Variants in EPC2 observed in about 807,000 individuals in gnomAD.
EPC2 encodes the protein enhancer of polycomb homolog 2.
Under a neutral mutation model 92.1 loss-of-function variants are expected in EPC2, and 14 were observed. That is an observed-to-expected ratio of 0.15 (90% CI 0.10 to 0.24). The LOEUF is 0.24. Among genes scored for constraint, EPC2 ranks in the 10% least tolerant of loss-of-function variants. EPC2 has a pLI of 1.00. For missense variants in EPC2, 755 were observed against 971.5 expected (o/e 0.78, Z 2.96); for synonymous variants, 340 against 334.7 (o/e 1.02, Z -0.17).
chr2:148,749,689 C>A (rs978302773), intron 3 of EPC2, among the ~76,000 whole-genome samples: 14 of 151,874 alleles, frequency 9.2e-5, no homozygotes, highest in Non-Finnish European at 1.5e-4. Flanking sequence ...ATGTTCTTTA[C>A]TATGATGTTA....
intron 1 of EPC2, among the ~76,000 whole-genome samples, chr2:148,656,934 G>A (rs1680813570): frequency 6.6e-6 from 1 of 152,108 alleles, no homozygotes; most frequent in African/African-American, 2.4e-5. Flanking sequence ...TGACTATAAT[G>A]TACTATTGAA....
chr2:148,684,689 C>T (rs1341777253), intron 1 of EPC2, among the ~76,000 whole-genome samples: 1 of 152,198 alleles, frequency 6.6e-6, no homozygotes, highest in South Asian at 2.1e-4. Context: ...TCCTCTACAG[C>T]GGATACCATT....
At chr2:148,746,004 C>G (rs1409109073) in intron 3 of EPC2, among the ~76,000 whole-genome samples, 1 of 151,900 alleles carries the variant, frequency 6.6e-6, no homozygotes, top group African/African-American at 2.4e-5. Flanking sequence ...GCTGTCTTCA[C>G]CTTTTTTTAA....
At chr2:148,699,695 C>T (rs756206817) in intron 2 of EPC2, among the ~76,000 whole-genome samples, 3 of 152,126 alleles carry the variant, frequency 2.0e-5, no homozygotes, top group Non-Finnish European at 4.4e-5. Flanking sequence ...TAAAACTGCT[C>T]TAAACATTTG....
intron 1 of EPC2, among the ~76,000 whole-genome samples, chr2:148,681,818 C>T (rs1056798055): frequency 2.1e-4 from 32 of 152,058 alleles, no homozygotes; most frequent in African/African-American, 7.5e-4. Context: ...TTTGCTGCAC[C>T]TATTAACTCG....
chr2:148,772,392 T>C (rs1683540164), intron 10 of EPC2, among the ~76,000 whole-genome samples: 1 of 152,176 alleles, frequency 6.6e-6, no homozygotes, highest in Non-Finnish European at 1.5e-5. Context: ...TACCATTTTT[T>C]TCTGTATGTA....
chr2:148,769,872 C>G (rs1332821408), intron 8 of EPC2, among the ~76,000 whole-genome samples: 1 of 151,928 alleles, frequency 6.6e-6, no homozygotes, highest in African/African-American at 2.4e-5. Flanking sequence ...GGTAAGCATA[C>G]ACTGACAGCT....
chr2:148,683,487 C>T (rs917807055), intron 1 of EPC2, among the ~76,000 whole-genome samples: 9 of 152,044 alleles, frequency 5.9e-5, no homozygotes, highest in Non-Finnish European at 1.0e-4. Context: ...AGGATTGTCT[C>T]GATCTCCTGA....
At chr2:148,650,047 G>A (rs972574243) in intron 1 of EPC2, among the ~76,000 whole-genome samples, 7 of 152,054 alleles carry the variant, frequency 4.6e-5, no homozygotes, top group African/African-American at 1.7e-4. Flanking sequence ...AAGCATATAA[G>A]AAATTTGTGG....
At chr2:148,759,477 G>A (rs1683259039) in intron 4 of EPC2, among the ~76,000 whole-genome samples, 1 of 152,176 alleles carries the variant, frequency 6.6e-6, no homozygotes, top group Admixed American at 6.5e-5. Flanking sequence ...AAGGACATTA[G>A]TGGGACAATT....
rs180902300 is a variant in EPC2, at chr2:148,691,401, A to G, written c.313+1028A>G. The G allele has an allele frequency of 1.2e-3, 1,194 of 1,026,538 alleles. 19 individuals are homozygous for G. The Admixed American group carries it at 0.022, about 19-fold the overall frequency. 63.6% of individuals were successfully genotyped at this position (1,026,538 alleles called of 1,614,324 possible). A position where few individuals can be genotyped will look rare whatever the true frequency, so the allele number is the denominator to read the frequency against. On this transcript the variant is annotated intron_variant, in intron 2 of 13. Coordinates refer to ENST00000258484, the MANE Select transcript of EPC2 (RefSeq NM_015630.4). ...ACCTGTCTGACAACCTACCTGTATG[A>G]GAATCTCTGGGTGTGAAGTCTGGTG...
At chr2:148,747,643 TCTC>T (rs1465817702) in intron 3 of EPC2, among the ~76,000 whole-genome samples, 1 of 152,138 alleles carries the variant, frequency 6.6e-6, no homozygotes. Context: ...TTACCAGTGG[TCTC>T]CTAATTGTCA....
intron 1 of EPC2, among the ~76,000 whole-genome samples, chr2:148,675,524 A>C (rs1681246031): frequency 6.6e-6 from 1 of 152,122 alleles, no homozygotes; most frequent in Non-Finnish European, 1.5e-5. Flanking sequence ...CAACATTCTT[A>C]GTTTAATGGT....
chr2:148,698,681 C>G (rs1432359258), intron 2 of EPC2, among the ~76,000 whole-genome samples: 1 of 104,714 alleles, frequency 9.5e-6, no homozygotes, highest in Non-Finnish European at 1.9e-5. Flanking sequence ...CTGATAGAAA[C>G]TAAGAAAGTA....
At chr2:148,713,837 T>C (rs746500528) in intron 2 of EPC2, among the ~76,000 whole-genome samples, 3 of 152,232 alleles carry the variant, frequency 2.0e-5, no homozygotes, top group Admixed American at 6.5e-5. Context: ...TTTGTGTAGG[T>C]ACACTCTGTG....
chr2:148,729,270 AT>A (rs1312362161), intron 2 of EPC2, among the ~76,000 whole-genome samples: 1 of 152,048 alleles, frequency 6.6e-6, no homozygotes, highest in East Asian at 1.9e-4. Flanking sequence ...TAGTTTTGAA[AT>A]TTTGCTAATC....
At chr2:148,765,237 C>T in intron 7 of EPC2, 91 bp downstream of exon 7, 1 of 944,742 alleles carries the variant, frequency 1.1e-6, no homozygotes, top group African/African-American at 1.7e-5. Flanking sequence ...AGTTTTTATT[C>T]TTGCTTTGTT....
At chr2:148,781,491 T>G (rs2289996) in intron 10 of EPC2, among the ~76,000 whole-genome samples, 153 bp from the exon 11 acceptor site, 96,611 of 152,052 alleles carry the variant, frequency 0.64, 33,277 homozygotes, top group Non-Finnish European at 0.79. Flanking sequence ...GCTGGAAGAT[T>G]TGCCATTTTC....
At chr2:148,675,301 A>G (rs906921889) in intron 1 of EPC2, among the ~76,000 whole-genome samples, 7 of 151,864 alleles carry the variant, frequency 4.6e-5, no homozygotes, top group African/African-American at 4.8e-5. Context: ...TTCAGATTTC[A>G]GGTGATTTTT....
Sources: allele counts gnomAD v4.1 joint callset (sites outside exome capture counted in the v4.1 genomes callset), GRCh38; gene constraint gnomAD v4.1.1; transcripts MANE v1.5; gene names NCBI Gene and HGNC (gene_info 2026-07-23, HGNC 2026-07-21).